Variants in PLXNB2 observed in about 807,000 individuals in gnomAD.
The protein encoded by PLXNB2 is plexin-B2.
In PLXNB2, 85 loss-of-function variants were observed where a neutral mutation model predicts 202.6. That is an observed-to-expected ratio of 0.42 (90% CI 0.35 to 0.50). The LOEUF (loss-of-function observed/expected upper bound fraction) is 0.50. Among genes scored for constraint, PLXNB2 ranks in the 20% least tolerant of loss-of-function variants. The pLI is 0.02. For missense variants in PLXNB2, 2,063 were observed against 2,586.2 expected, an observed-to-expected ratio of 0.80 and a Z score of 4.39; for synonymous variants, 1,239 against 1,137.6, an observed-to-expected ratio of 1.09 and a Z score of -1.79.
rs748647745 is a variant in PLXNB2, at chr22:50,280,078, G to C, written c.4176-7C>G. On this transcript the variant is annotated splice_polypyrimidine_tract_variant and splice_region_variant and intron_variant, in intron 25 of 36. Transcript: ENST00000359337. ...CTCCACCACAGTCTCAGACCTGGGG[G>C]TGCAGGGAGGCCTTGTACCGAGTGA... The C allele has an allele frequency of 6.3e-7, 1 of 1,599,858 alleles. No individual in the cohort carries two copies.
At chr22:50,294,909 C>T in intron 1 of PLXNB2, 131 bp from the exon 2 acceptor site, 1 of 244,064 alleles carries the variant, frequency 4.1e-6, no homozygotes, top group Non-Finnish European at 6.6e-6. Flanking sequence ...CTTTGGCTTC[C>T]CTCTGGCCCC....
At position 50,276,909 on chromosome 22, in the gene PLXNB2, G is replaced by C. The variant is rs1279936226; in HGVS notation, c.5197-3C>G. 6.3e-7 allele frequency: 1 copy of C among 1,595,080 alleles called. No individual in the cohort carries two copies. Among genetic ancestry groups the C allele is most frequent in the Non-Finnish European group, 8.5e-7 (1 of 1,170,498 alleles). ...AGCAGCTTGTTGCTGGGAGAATCCT[G>C]TTGGGGACAAAACCCAGTGATGCCT... On this transcript the variant is annotated splice_polypyrimidine_tract_variant and splice_region_variant and intron_variant, in intron 33 of 36. Transcript: ENST00000359337.
chr22:50,288,121 T>C lies in PLXNB2; in HGVS notation c.1381-84A>G, dbSNP rs2066603066. On this transcript the variant is annotated intron_variant, in intron 5 of 36. Transcript: ENST00000359337. The surrounding 1 kb of genome is among the most constrained non-coding windows in gnomAD (Gnocchi z 5.0). ...CCCCAGATGTCCCCAGACCGCCAGC[T>C]TGACCCAGCTCTGTCCCGGGGCCTC... 9.5e-7 allele frequency: 1 copy of C among 1,048,574 alleles called. No individual in the cohort carries two copies. Among genetic ancestry groups the C allele is most frequent in the Middle Eastern group, 3.0e-4 (1 of 3,348 alleles). 65.0% of individuals were successfully genotyped at this position (1,048,574 alleles called of 1,614,324 possible).
intron 23 of PLXNB2, 49 bp from the exon 24 acceptor site, chr22:50,281,022 C>T: frequency 6.2e-7 from 1 of 1,600,700 alleles, no homozygotes; most frequent in Non-Finnish European, 8.6e-7. Context: ...GGGCCCTGAC[C>T]CCCACGCTAC....
chr22:50,280,515 G>A lies in PLXNB2; in HGVS notation c.4149C>T (p.Ala1383=). 6.2e-7 allele frequency: 1 copy of A among 1,610,112 alleles called. No homozygotes were observed. The highest frequency in any genetic ancestry group is 8.5e-7 in the Non-Finnish European group (1 of 1,179,216). Residue 1383 remains alanine (A), a synonymous_variant, in exon 25 of 37, where the codon GCC becomes GCT. Coordinates refer to ENST00000359337, the MANE Select transcript of PLXNB2 (RefSeq NM_012401.4). ...FLELLEQYVV[A]KNPKLMLRRS... ...TGCGCAGCATCAGCTTGGGGTTCTT[G>A]GCCACCACGTACTGCTCCAGGAGCT...
rs1320065199 is a variant in PLXNB2, at chr22:50,279,568, A to AT, written c.4389+61dup. The stretch of plus-strand genomic sequence containing the variant: ...TGTGGGTCCCATCTGTGGCCAGGGG[A>AT]TGCCCAAGCTCCTTAGCCCAGATCC... On this transcript the variant is annotated intron_variant, in intron 27 of 36. Coordinates refer to ENST00000359337, the MANE Select transcript of PLXNB2 (RefSeq NM_012401.4). The AT allele has an allele frequency of 3.9e-6, 6 of 1,526,812 alleles. No homozygotes were observed. The African/African-American group carries it at 6.9e-5, about 17-fold the overall frequency. The allele number at this position is 1,526,812 out of a possible 1,614,324, so 94.6% of individuals were successfully genotyped here. A position where few individuals can be genotyped will look rare whatever the true frequency, so the allele number is the denominator to read the frequency against.
In PLXNB2 at chr22:50,288,833, G is replaced by A; in HGVS notation, c.1290C>T (p.Asp430=). 1 of 1,613,418 alleles carries A rather than the reference G, an allele frequency of 6.2e-7. No individual in the cohort carries two copies. The highest frequency in any genetic ancestry group is 8.5e-7 in the Non-Finnish European group (1 of 1,179,964). ...LTPDGTSSEY[D]SILVEINKRV... is the part of the protein sequence containing the mutation. ...TCTTGTTTATCTCCACAAGGATAGA[G>A]TCGTACTCTGAGGAGGTGCCATCTG... Residue 430 remains aspartate (D), a synonymous_variant, in exon 5 of 37, where the codon GAC becomes GAT. Coordinates refer to ENST00000359337, the MANE Select transcript of PLXNB2 (RefSeq NM_012401.4). This position sits in a 1 kb window ranked among gnomAD's most constrained non-coding sequence, Gnocchi z 5.0.
In PLXNB2 at chr22:50,288,018, T is replaced by G; in HGVS notation, c.1400A>C (p.Gln467Pro). The change falls in exon 6 of 37, where the codon CAG becomes CCG. Residue 467 changes from glutamine to proline, a missense_variant. By Grantham distance (76) the Gln-to-Pro change is moderately conservative (BLOSUM62 -1). Around this residue, in one of 2 missense-constraint regions of PLXNB2, gnomAD observed 1,303 missense variants for 1,476.8 expected, o/e 0.88. Coordinates refer to ENST00000359337, the MANE Select transcript of PLXNB2 (RefSeq NM_012401.4). The surrounding 1 kb of genome is among the most constrained non-coding windows in gnomAD (Gnocchi z 5.0). ...GCAGGTCGGGTAGCTCAGGCACTCCTGCACCGGCAGCCGGAACACCTAGGG... is the reference window on the plus strand; with the variant it reads ...GCAGGTCGGGTAGCTCAGGCACTCCGGCACCGGCAGCCGGAACACCTAGGG... Reference protein sequence around the residue: ...TQDKVFRLPVQECLSYPTCTQ... With the variant: ...TQDKVFRLPVPECLSYPTCTQ... 6.4e-7 allele frequency: 1 copy of G among 1,562,528 alleles called. No individual in the cohort carries two copies. The highest frequency in any genetic ancestry group is 8.7e-7 in the Non-Finnish European group (1 of 1,154,020).
chr22:50,293,445 G>A (rs2067029172), intron 2 of PLXNB2, among the ~76,000 whole-genome samples: 1 of 152,176 alleles, frequency 6.6e-6, no homozygotes, highest in Non-Finnish European at 1.5e-5. Context: ...GCGCCAGCGG[G>A]GGCAGGCAAC....
rs1431136184 is a variant in PLXNB2 at position 50,278,224 on chromosome 22, G to C, written c.4780C>G (p.Pro1594Ala). Residue 1594 changes from proline (P) to alanine (A), a missense_variant, in exon 31 of 37, where the codon CCG becomes GCG. Pro to Ala is a conservative substitution (Grantham distance 27, BLOSUM62 -1). Coordinates refer to ENST00000359337, the MANE Select transcript of PLXNB2 (RefSeq NM_012401.4). The stretch of plus-strand genomic sequence containing the variant: ...TTGCCCTCGTCCACCTCGTCGGTCG[G>C]CCGCACCAGGTGCCACACCCGGTTC... ...EENRVWHLVRPTDEVDEGKSK... is the reference protein window; with the variant it reads ...EENRVWHLVRATDEVDEGKSK... 1.2e-6 allele frequency: 2 copies of C among 1,609,948 alleles called. No homozygotes were observed. Among genetic ancestry groups the C allele is most frequent in the East Asian group, 2.2e-5 (1 of 44,884 alleles).
intron 1 of PLXNB2, among the ~76,000 whole-genome samples, chr22:50,304,527 G>T (rs923944369): frequency 1.3e-5 from 2 of 152,022 alleles, no homozygotes; most frequent in African/African-American, 4.8e-5. Context: ...CAATCCAGGG[G>T]TATGGGAAGA....
rs748539351 is a variant in PLXNB2 at position 50,286,104 on chromosome 22, T to G, written c.1878-6A>C. ...TGCTCACGCAGGAGATGCACCTGCA[T>G]CCAGAGGGGATCGTGAGCAGGGCTG... On this transcript the variant is annotated splice_polypyrimidine_tract_variant and splice_region_variant and intron_variant, in intron 9 of 36. Coordinates refer to ENST00000359337, the MANE Select transcript of PLXNB2 (RefSeq NM_012401.4). 2.2e-5 allele frequency: 35 copies of G among 1,612,174 alleles called. No homozygotes were observed. Among genetic ancestry groups the G allele is most frequent in the Non-Finnish European group, 3.0e-5 (35 of 1,179,636 alleles).
chr22:50,281,210 C>T, intron 22 of PLXNB2, 21 bp from the exon 23 acceptor site: 1 of 1,602,196 alleles, frequency 6.2e-7, no homozygotes, highest in Non-Finnish European at 8.5e-7. Context: ...CAGCGGGCCT[C>T]CTAGGTTCTG....
At chr22:50,282,408 G>T in intron 18 of PLXNB2, 95 bp from the exon 19 acceptor site, 1 of 1,267,270 alleles carries the variant, frequency 7.9e-7, no homozygotes, top group Non-Finnish European at 1.1e-6. Flanking sequence ...CTGACCACAC[G>T]GGGCTTCCAG....
rs1379510749 is a variant in PLXNB2, at chr22:50,288,296, C to T, written c.1381-259G>A. Among the ~76,000 whole-genome samples the T allele has an allele frequency of 6.6e-6, 1 of 152,120 alleles. No individual in the cohort carries two copies. The highest frequency in any genetic ancestry group is 6.5e-5 in the Admixed American group (1 of 15,284). On this transcript the variant is annotated intron_variant, in intron 5 of 36. Coordinates refer to ENST00000359337, the MANE Select transcript of PLXNB2 (RefSeq NM_012401.4). The surrounding 1 kb of genome is among the most constrained non-coding windows in gnomAD (Gnocchi z 5.0). ...AGCTCCTGTCCTCTACACTGGCTCC[C>T]TCCGAGGGGTGCTCCTAGGGCTGGC...
intron 1 of PLXNB2, chr22:50,300,293 C>G: frequency 1.0e-6 from 1 of 985,244 alleles, no homozygotes; most frequent in East Asian, 1.1e-4. Context: ...TCGGGCACAT[C>G]GGATCGCACA....
In PLXNB2 at chr22:50,288,585, C is replaced by T. The variant is rs1000839182; in HGVS notation, c.1380+158G>A. 1.3e-5 allele frequency among the ~76,000 whole-genome samples: 2 copies of T among 152,104 alleles called. No individual in the cohort carries two copies. The highest frequency in any genetic ancestry group is 6.5e-5 in the Admixed American group (1 of 15,276). ...AGAGACACAGGATGGAGGCACTGCCCGGGACCCACCCAGCCACCCCTCATC... is the reference window on the plus strand; with the variant it reads ...AGAGACACAGGATGGAGGCACTGCCTGGGACCCACCCAGCCACCCCTCATC... On this transcript the variant is annotated intron_variant, in intron 5 of 36. Coordinates refer to ENST00000359337, the MANE Select transcript of PLXNB2 (RefSeq NM_012401.4). The surrounding 1 kb of genome is among the most constrained non-coding windows in gnomAD (Gnocchi z 5.0).
rs763008801 is a variant in PLXNB2 at position 50,280,476 on chromosome 22, C to G, written c.4175+13G>C. 1 of 1,591,990 alleles carries G rather than the reference C, an allele frequency of 6.3e-7. No individual in the cohort carries two copies. Among genetic ancestry groups the G allele is most frequent in the Non-Finnish European group, 8.6e-7 (1 of 1,169,028 alleles). Reference sequence around the variant, plus strand: ...CCGCCCGTGGCCCCGCTCGTGGCCCCGCCCATGTGCACCTGCGCAGCATCA... The same window carrying G: ...CCGCCCGTGGCCCCGCTCGTGGCCCGGCCCATGTGCACCTGCGCAGCATCA... On this transcript the variant is annotated intron_variant, in intron 25 of 36. Transcript: ENST00000359337.
At chr22:50,306,093 C>G (rs545275766) in intron 1 of PLXNB2, among the ~76,000 whole-genome samples, 2 of 152,366 alleles carry the variant, frequency 1.3e-5, no homozygotes, top group Non-Finnish European at 2.9e-5. Flanking sequence ...TGACTGGACA[C>G]GGCTGGATGA....
Sources: gnomAD v4.1 joint callset for allele counts (sites outside exome capture counted in the v4.1 genomes callset) on GRCh38, gnomAD v4.1.1 for gene constraint, gnomAD v4.1.1 regional missense constraint, Gnocchi (gnomAD v3.1) non-coding constraint, MANE v1.5 for transcripts, NCBI Gene and HGNC (gene_info 2026-07-23, HGNC 2026-07-21) for gene names.